The following ZMYND12 variants were observed in gnomAD, a reference collection of about 807,000 sequenced individuals.
ZMYND12 encodes zinc finger MYND-type containing 12, also known as zinc finger MYND domain-containing protein 12.
Under a neutral mutation model 41.7 loss-of-function variants are expected in ZMYND12, and 32 were observed. The observed-to-expected ratio is 0.77, with a 90% confidence interval of 0.58 to 1.03. The LOEUF (loss-of-function observed/expected upper bound fraction) is 1.03. Ranked by LOEUF, ZMYND12 falls within the 50% of genes least tolerant of loss-of-function variation. ZMYND12 has a pLI of 0.00. For missense variants in ZMYND12, 424 were observed against 438.5 expected (o/e 0.97, Z 0.30); for synonymous variants, 148 against 164.8 (o/e 0.90, Z 0.78).
At chr1:42,455,729 G>C (rs1429844642) in intron 1 of ZMYND12, among the ~76,000 whole-genome samples, 159 bp downstream of exon 1, 1 of 152,244 alleles carries the variant, frequency 6.6e-6, no homozygotes, top group East Asian at 1.9e-4. Context: ...AGATGAGACA[G>C]ACGAGGCCAC....
rs1398443034 is a variant in ZMYND12 at position 42,439,760 on chromosome 1, GCA to G, written c.594+94_594+95del. On this transcript the variant is annotated intron_variant, in intron 4 of 7. Coordinates refer to ENST00000372565, the MANE Select transcript of ZMYND12 (RefSeq NM_032257.5). ...TGTAAACAGAAAGTTTTAGAGAAAT[GCA>G]CAGTTTTAAAAAAATTAAACAGATT... 10 of 1,284,474 alleles carry G rather than the reference GCA, an allele frequency of 7.8e-6. No homozygotes were observed. In the East Asian group the frequency reaches 2.4e-4, roughly 31 times the overall value. The allele number at this position is 1,284,474 out of a possible 1,614,324, so 79.6% of individuals were successfully genotyped here.
intron 3 of ZMYND12, among the ~76,000 whole-genome samples, chr1:42,441,232 T>C (rs1021635554): frequency 6.6e-6 from 1 of 152,152 alleles, no homozygotes; most frequent in Non-Finnish European, 1.5e-5. Context: ...AGCTGGGTTT[T>C]GAGGATGAAT....
At chr1:42,446,051 A>AC (rs1263568617) in intron 3 of ZMYND12, among the ~76,000 whole-genome samples, 2 of 152,150 alleles carry the variant, frequency 1.3e-5, no homozygotes, top group Admixed American at 1.3e-4. Flanking sequence ...CCTGCAGGCA[A>AC]ACAGCCTGTT....
chr1:42,451,282 T>C (rs1262875774), intron 1 of ZMYND12, among the ~76,000 whole-genome samples: 3 of 152,226 alleles, frequency 2.0e-5, no homozygotes, highest in Non-Finnish European at 2.9e-5. Context: ...TCAACCATTA[T>C]TATTAAATTG....
chr1:42,437,480 T>TGTGTGTG (rs1642920420), intron 4 of ZMYND12, among the ~76,000 whole-genome samples: 1 of 106,986 alleles, frequency 9.3e-6, no homozygotes, highest in Non-Finnish European at 2.0e-5. Flanking sequence ...GTGTGTGTGT[T>TGTGTGTG]TAAAAAGCTA....
chr1:42,455,986 GATCACAT>G lies in ZMYND12; in HGVS notation c.5_11del (p.Asn2ThrfsTer54), dbSNP rs766545158. 1 of 1,612,506 alleles carries G rather than the reference GATCACAT, an allele frequency of 6.2e-7. No individual in the cohort carries two copies. Among genetic ancestry groups the G allele is most frequent in the South Asian group, 1.1e-5 (1 of 90,990 alleles). ...GCCCCTTGGGGACTGCCAGTGGGTA[GATCACAT>G]TCATGGTGCAGCCAGCAGTGCTGGT... On this transcript the variant is annotated frameshift_variant, in exon 1 of 8. Coordinates refer to ENST00000372565, the MANE Select transcript of ZMYND12 (RefSeq NM_032257.5). LOFTEE classifies it high-confidence loss of function.
intron 7 of ZMYND12, among the ~76,000 whole-genome samples, chr1:42,432,148 C>G (rs1467415334): frequency 6.6e-6 from 1 of 151,482 alleles, no homozygotes; most frequent in African/African-American, 2.4e-5. Context: ...CCTCAATCTC[C>G]TGGGCTCAAG....
In ZMYND12 at chr1:42,449,980, T is replaced by A. The variant is rs199895748; in HGVS notation, c.190A>T (p.Met64Leu). 6.2e-7 allele frequency: 1 copy of A among 1,613,930 alleles called. No individual in the cohort carries two copies. Among genetic ancestry groups the A allele is most frequent in the East Asian group, 2.2e-5 (1 of 44,890 alleles). The change falls in exon 2 of 8, where the codon ATG becomes TTG. Residue 64 changes from methionine to leucine, a missense_variant. Physicochemically the swap from Met to Leu is conservative, Grantham distance 15. Coordinates refer to ENST00000372565, the MANE Select transcript of ZMYND12 (RefSeq NM_032257.5). ...CQLLIPLRTS[M>L]PFYNSEEERQ... ...TCTTCCTCTGAATTGTAGAAGGGCA[T>A]GGAAGTGCGCAGTGGAATCAAGAGC...
At chr1:42,445,252 C>G (rs1643011065) in intron 3 of ZMYND12, among the ~76,000 whole-genome samples, 1 of 151,416 alleles carries the variant, frequency 6.6e-6, no homozygotes, top group South Asian at 2.1e-4. Flanking sequence ...GGGCAACATA[C>G]TGAAACCCTA....
chr1:42,434,899 T>G lies in ZMYND12; in HGVS notation c.829+375A>C, dbSNP rs548830691. ...AAACCATTCCTCCCACGCCCCCCAGTCCATGGAAAAATTGTCTTCCATGAA... is the reference window on the plus strand; with the variant it reads ...AAACCATTCCTCCCACGCCCCCCAGGCCATGGAAAAATTGTCTTCCATGAA... On this transcript the variant is annotated intron_variant, in intron 6 of 7. Coordinates refer to ENST00000372565, the MANE Select transcript of ZMYND12 (RefSeq NM_032257.5). 3.3e-5 allele frequency among the ~76,000 whole-genome samples: 5 copies of G among 152,086 alleles called. No individual in the cohort carries two copies. In the East Asian group the frequency reaches 9.6e-4, roughly 29 times the overall value.
rs184874544 is a variant in ZMYND12 at position 42,452,668 on chromosome 1, G to A, written c.111-2609C>T. 3.1e-3 allele frequency among the ~76,000 whole-genome samples: 465 copies of A among 151,986 alleles called. 3 individuals carry two copies. The highest frequency in any genetic ancestry group is 0.011 in the African/African-American group (442 of 41,440). On this transcript the variant is annotated intron_variant, in intron 1 of 7. Transcript: ENST00000372565. ...CAGTGAGCCAAGATGGTGCCACTGC[G>A]CTCCAGCCTGGGTGACAGAGCAAGA...
chr1:42,454,182 A>G (rs1486823919), intron 1 of ZMYND12, among the ~76,000 whole-genome samples: 1 of 152,242 alleles, frequency 6.6e-6, no homozygotes, highest in African/African-American at 2.4e-5. Flanking sequence ...TCAGTTCTCT[A>G]TAACTACAGC....
chr1:42,433,769 C>T (rs544607081), intron 6 of ZMYND12, among the ~76,000 whole-genome samples: 1 of 152,340 alleles, frequency 6.6e-6, no homozygotes, highest in South Asian at 2.1e-4. Flanking sequence ...CAACAACCTT[C>T]ATGCTTCCCT....
intron 1 of ZMYND12, among the ~76,000 whole-genome samples, chr1:42,453,833 A>C (rs1489831491): frequency 1.3e-5 from 2 of 152,196 alleles, no homozygotes; most frequent in East Asian, 3.8e-4. Flanking sequence ...TCCTTGCCCA[A>C]GTTAATGGGT....
intron 1 of ZMYND12, among the ~76,000 whole-genome samples, chr1:42,451,971 A>T (rs1370346196): frequency 1.3e-5 from 2 of 152,174 alleles, no homozygotes; most frequent in African/African-American, 4.8e-5. Flanking sequence ...AGGGTCAGGG[A>T]TAAAGTAGGA....
chr1:42,438,088 C>T (rs563555356), intron 4 of ZMYND12, among the ~76,000 whole-genome samples: 63 of 152,260 alleles, frequency 4.1e-4, no homozygotes, highest in East Asian at 1.5e-3. Flanking sequence ...GGATTACAGG[C>T]GTGAGCCACC....
intron 4 of ZMYND12, among the ~76,000 whole-genome samples, chr1:42,439,572 C>A (rs1387110081): frequency 6.6e-6 from 1 of 152,152 alleles, no homozygotes; most frequent in Non-Finnish European, 1.5e-5. Flanking sequence ...CCAGCAAAGC[C>A]CTTCTCTTAA....
intron 1 of ZMYND12, among the ~76,000 whole-genome samples, chr1:42,454,704 CT>C (rs35101875): frequency 0.22 from 32,137 of 143,036 alleles, 4,027 homozygotes; most frequent in Non-Finnish European, 0.3. Flanking sequence ...GATGTTCCAA[CT>C]TTTTTTTTTT....
At chr1:42,441,849 T>C (rs978329283) in intron 3 of ZMYND12, among the ~76,000 whole-genome samples, 1 of 152,216 alleles carries the variant, frequency 6.6e-6, no homozygotes, top group African/African-American at 2.4e-5. Context: ...CTCGATCTCC[T>C]GACCTTGTGA....
Sources: allele counts gnomAD v4.1 joint callset (sites outside exome capture counted in the v4.1 genomes callset), GRCh38; gene constraint gnomAD v4.1.1; transcripts MANE v1.5; gene names NCBI Gene and HGNC (gene_info 2026-07-23, HGNC 2026-07-21).